Variants in WNK1 observed in about 807,000 individuals in gnomAD.
WNK1 encodes the protein serine/threonine-protein kinase WNK1.
In WNK1, 38 loss-of-function variants were observed where a neutral mutation model predicts 222.8. The ratio of observed to expected loss-of-function variants is 0.17; its 90% CI spans 0.13 to 0.22. WNK1 has a LOEUF of 0.22. Among genes scored for constraint, WNK1 ranks in the 10% least tolerant of loss-of-function variants. WNK1 has a pLI of 1.00. For synonymous variants in WNK1, 1,090 were observed against 1,092.9 expected (o/e 1.00, Z 0.05); for missense variants, 2,348 against 2,918.4 (o/e 0.80, Z 4.50).
At chr12:815,980 A>G (rs1947306544) in intron 2 of WNK1, among the ~76,000 whole-genome samples, 1 of 152,226 alleles carries the variant, frequency 6.6e-6, no homozygotes. Context: ...CAAAACAGGA[A>G]CTTATACTCT....
At chr12:791,473 C>T (rs1182518534) in intron 1 of WNK1, among the ~76,000 whole-genome samples, 3 of 151,804 alleles carry the variant, frequency 2.0e-5, no homozygotes, top group Admixed American at 6.6e-5. Context: ...TTATCTAAAA[C>T]GTAGATCTTT....
intron 1 of WNK1, among the ~76,000 whole-genome samples, chr12:780,097 A>G (rs1943548263): frequency 6.6e-6 from 1 of 152,168 alleles, no homozygotes; most frequent in Admixed American, 6.6e-5. Context: ...ATGGATATTT[A>G]GGAAAGAGGA....
chr12:830,954 T>C (rs2154028563), intron 4 of WNK1, among the ~76,000 whole-genome samples: 1 of 152,350 alleles, frequency 6.6e-6, no homozygotes, highest in Admixed American at 6.5e-5. Flanking sequence ...ACTATTGCTT[T>C]TACTTTCTTT....
At chr12:852,170 C>T (rs6489755) in intron 4 of WNK1, among the ~76,000 whole-genome samples, 124,586 of 152,168 alleles carry the variant, frequency 0.82, 51,115 homozygotes, top group East Asian at 0.96. Flanking sequence ...TGGCAAAACA[C>T]AGTATATAGA....
At position 753,670 on chromosome 12, in the gene WNK1, G is replaced by T; in HGVS notation, c.105G>T (p.Val35=). ...ATGGCTCCAGCTCCGATTCCTCCGT[G>T]GGGGAGAAACTGGGAGCCGCGGCCG... ...PKNGSSSDSS[V]GEKLGAAAAD... Residue 35 remains valine (V), a synonymous_variant, in exon 1 of 28, where the codon GTG becomes GTT. Transcript: ENST00000315939. The surrounding 1 kb of genome is among the most constrained non-coding windows in gnomAD (Gnocchi z 5.2). The T allele has an allele frequency of 2.5e-6, 4 of 1,612,436 alleles. No individual in the cohort carries two copies. The highest frequency in any genetic ancestry group is 3.4e-6 in the Non-Finnish European group (4 of 1,179,856).
At chr12:800,639 C>T (rs1014116548) in intron 1 of WNK1, among the ~76,000 whole-genome samples, 3 of 152,028 alleles carry the variant, frequency 2.0e-5, no homozygotes, top group Non-Finnish European at 2.9e-5. Context: ...TGAGGCTTAC[C>T]ATTAGGCAAA....
chr12:757,127 C>T (rs1426740393), intron 1 of WNK1, among the ~76,000 whole-genome samples: 1 of 149,124 alleles, frequency 6.7e-6, no homozygotes, highest in Admixed American at 6.7e-5. Flanking sequence ...GAAACCCGGT[C>T]CTTATACCCA....
intron 2 of WNK1, among the ~76,000 whole-genome samples, chr12:823,153 A>T (rs2154023087): frequency 6.6e-6 from 1 of 152,222 alleles, no homozygotes; most frequent in East Asian, 1.9e-4. Flanking sequence ...TCAGCTCATA[A>T]TCTTATTGAG....
rs1415548682 is a variant in WNK1, at chr12:865,331, A to G, written c.2139+3061A>G. 4 of 1,536,148 alleles carry G rather than the reference A, an allele frequency of 2.6e-6. No homozygotes were observed. In the East Asian group the frequency reaches 9.8e-5, roughly 38 times the overall value. On this transcript the variant is annotated intron_variant, in intron 8 of 27. Coordinates refer to ENST00000315939, the MANE Select transcript of WNK1 (RefSeq NM_018979.4). Reference sequence around the variant, plus strand: ...ACTCTGCCTCTCAGCGCAAGCACCGACGCTCCAGCCTGCCTTCCCTCTTTG... The same window carrying G: ...ACTCTGCCTCTCAGCGCAAGCACCGGCGCTCCAGCCTGCCTTCCCTCTTTG...
intron 1 of WNK1, among the ~76,000 whole-genome samples, chr12:812,680 A>G (rs562835912): frequency 2.6e-5 from 4 of 152,334 alleles, no homozygotes; most frequent in African/African-American, 9.6e-5. Context: ...AACTGAAGAG[A>G]AAAATTAATG....
At chr12:837,293 G>T (rs1266128831) in intron 4 of WNK1, among the ~76,000 whole-genome samples, 4 of 152,222 alleles carry the variant, frequency 2.6e-5, no homozygotes. Flanking sequence ...AGCCGTGAGG[G>T]CTGGGCGCAG....
chr12:894,700 T>G, intron 23 of WNK1, 65 bp downstream of exon 23: 1 of 1,443,510 alleles, frequency 6.9e-7, no homozygotes. Flanking sequence ...ATAATAAAAT[T>G]ACTGCCTACC....
chr12:813,841 G>T, intron 2 of WNK1, 27 bp downstream of exon 2: 3 of 1,611,254 alleles, frequency 1.9e-6, no homozygotes, highest in South Asian at 2.2e-5. Context: ...TACAAAAGCT[G>T]ACCAAGAAGT....
chr12:878,949 C>G (rs1199107960), intron 10 of WNK1, among the ~76,000 whole-genome samples: 1 of 152,002 alleles, frequency 6.6e-6, no homozygotes. Flanking sequence ...ATGCTATCAA[C>G]TTTAAAATGT....
In WNK1 at chr12:758,270, A is replaced by C. The variant is rs1358853751; in HGVS notation, c.759+3946A>C. Among the ~76,000 whole-genome samples the C allele has an allele frequency of 2.8e-5, 4 of 145,108 alleles. 1 individual carries two copies. The highest frequency in any genetic ancestry group is 2.7e-4 in the Admixed American group (4 of 14,674). ...CTGTCTTTTATTAAGACTGTGTGTCATGAGTACATGACATTAATATTTTGT... is the reference window on the plus strand; with the variant it reads ...CTGTCTTTTATTAAGACTGTGTGTCCTGAGTACATGACATTAATATTTTGT... On this transcript the variant is annotated intron_variant, in intron 1 of 27. Transcript: ENST00000315939.
At position 753,233 on chromosome 12, in the gene WNK1, C is replaced by T. The variant is rs1939460721; in HGVS notation, c.-333C>T. The T allele has an allele frequency of 1.0e-5, 3 of 299,154 alleles. No homozygotes were observed. In the South Asian group the frequency reaches 1.5e-4, roughly 15 times the overall value. The allele number at this position is 299,154 out of a possible 1,614,324, so 18.5% of individuals were successfully genotyped here. ...CCTGGCCCTCCCCTCATGACTGCGG[C>T]GCCTCTGCTGCCACCGCCCGCCCGG... On this transcript the variant is annotated 5_prime_UTR_variant, in exon 1 of 28. Coordinates refer to ENST00000315939, the MANE Select transcript of WNK1 (RefSeq NM_018979.4). This position sits in a 1 kb window ranked among gnomAD's most constrained non-coding sequence, Gnocchi z 5.2.
In WNK1 at chr12:868,985, C is replaced by T. The variant is rs1382161520; in HGVS notation, c.2140-2280C>T. 2.5e-6 allele frequency: 4 copies of T among 1,599,550 alleles called. No individual in the cohort carries two copies. The highest frequency in any genetic ancestry group is 2.2e-5 in the East Asian group (1 of 44,778). ...CTCTGACGTCTCAATGCCCTTTATC[C>T]ATCTGCCTCAGACAGTGTTACAAGA... On this transcript the variant is annotated intron_variant, in intron 8 of 27. Transcript: ENST00000315939.
chr12:776,216 G>A (rs1943067298), intron 1 of WNK1, among the ~76,000 whole-genome samples: 1 of 151,630 alleles, frequency 6.6e-6, no homozygotes, highest in South Asian at 2.1e-4. Context: ...AAAAGTTTTT[G>A]TAGAGATGGG....
Position 830,158 on chromosome 12 carries a change from A to G in WNK1, c.1309A>G (p.Ser437Gly), listed in dbSNP as rs1345747398. ...NAAQIYRRVT[S>G]GVKPASFDKV... ...TGCACAGATCTACCGTCGCGTGACC[A>G]GTGTAAGTCTTCCCCTAACTGATTG... is the stretch of plus-strand genomic sequence containing the variant. The change falls in exon 4 of 28, where the codon AGT (serine) becomes GGT (glycine). Residue 437 changes from serine (S) to glycine (G), a missense_variant and splice_region_variant. Coordinates refer to ENST00000315939, the MANE Select transcript of WNK1 (RefSeq NM_018979.4). The G allele has an allele frequency of 1.2e-6, 2 of 1,614,150 alleles. No individual in the cohort carries two copies. Among genetic ancestry groups the G allele is most frequent in the Admixed American group, 1.7e-5 (1 of 60,014 alleles).
Sources: allele counts gnomAD v4.1 joint callset (sites outside exome capture counted in the v4.1 genomes callset), GRCh38; gene constraint gnomAD v4.1.1; non-coding constraint Gnocchi (gnomAD v3.1); transcripts MANE v1.5; gene names NCBI Gene and HGNC (gene_info 2026-07-23, HGNC 2026-07-21).